ATF1: variants seen among roughly 807,000 people sequenced by gnomAD.
ATF1 encodes the protein cyclic AMP-dependent transcription factor ATF-1.
In ATF1, 16 loss-of-function variants were observed where a neutral mutation model predicts 34.7. That is an observed-to-expected ratio of 0.46 (90% CI 0.31 to 0.70). The LOEUF is 0.70. Among genes scored for constraint, ATF1 ranks in the 30% least tolerant of loss-of-function variants. The pLI, the probability that ATF1 is intolerant of heterozygous loss-of-function variation, is 0.05. For missense variants in ATF1, 255 were observed against 321.6 expected (o/e 0.79, Z 1.58); for synonymous variants, 105 against 113.1 (o/e 0.93, Z 0.46).
chr12:50,798,572 G>A (rs554193499), intron 3 of ATF1, among the ~76,000 whole-genome samples: 46 of 152,208 alleles, frequency 3.0e-4, no homozygotes, highest in African/African-American at 1.1e-3. Flanking sequence ...GCCTCCCAAA[G>A]TGCTGGGATT....
At chr12:50,768,508 A>T (rs942676590) in intron 1 of ATF1, among the ~76,000 whole-genome samples, 10 of 152,224 alleles carry the variant, frequency 6.6e-5, no homozygotes, top group Admixed American at 2.0e-4. Flanking sequence ...CTGTTCTTCC[A>T]AGGGCTCCAC....
intron 2 of ATF1, among the ~76,000 whole-genome samples, chr12:50,780,915 A>T (rs1016088909): frequency 6.6e-6 from 1 of 152,094 alleles, no homozygotes; most frequent in African/African-American, 2.4e-5. Context: ...AGCACAGACT[A>T]TGCCACTGCA....
At chr12:50,787,188 A>C (rs1291830886) in intron 2 of ATF1, among the ~76,000 whole-genome samples, 1 of 152,206 alleles carries the variant, frequency 6.6e-6, no homozygotes, top group Non-Finnish European at 1.5e-5. Context: ...CTTACCCATG[A>C]TGTCTGTCAT....
chr12:50,790,364 C>G (rs1941277229), intron 2 of ATF1, among the ~76,000 whole-genome samples: 1 of 152,060 alleles, frequency 6.6e-6, no homozygotes, highest in African/African-American at 2.4e-5. Flanking sequence ...GCTGCCAAAC[C>G]TGGCTAATTT....
At position 50,820,088 on chromosome 12, in the gene ATF1, T is replaced by A. The variant is rs1592208661; in HGVS notation, c.*309T>A. ...TCTAAAATGGCAGAGAAGATGAAAT[T>A]TGATAAACTGAATTTTTTTTAAAAA... On this transcript the variant is annotated 3_prime_UTR_variant, in exon 7 of 7. Coordinates refer to ENST00000262053, the MANE Select transcript of ATF1 (RefSeq NM_005171.5). 7.8e-6 allele frequency: 2 copies of A among 257,482 alleles called. No individual in the cohort carries two copies. Among genetic ancestry groups the A allele is most frequent in the East Asian group, 1.2e-4 (2 of 16,128 alleles). 15.9% of individuals were successfully genotyped at this position (257,482 alleles called of 1,614,324 possible).
At chr12:50,806,846 G>C (rs1253879360) in intron 3 of ATF1, among the ~76,000 whole-genome samples, 3 of 152,132 alleles carry the variant, frequency 2.0e-5, no homozygotes, top group African/African-American at 7.2e-5. Context: ...GGTTTAGGAA[G>C]CACTCTGACT....
At chr12:50,788,126 TA>T in intron 2 of ATF1, 1 of 425,456 alleles carries the variant, frequency 2.4e-6, no homozygotes, top group South Asian at 1.8e-5. Flanking sequence ...GTCAGCTGTG[TA>T]AAATGTGGCT....
intron 2 of ATF1, among the ~76,000 whole-genome samples, chr12:50,781,361 CTG>C (rs776219372): frequency 1.3e-5 from 2 of 152,166 alleles, no homozygotes; most frequent in African/African-American, 2.4e-5. Flanking sequence ...TATTTTCAAT[CTG>C]TGGTTGGTTG....
At chr12:50,791,346 AG>A (rs1271159202) in intron 2 of ATF1, among the ~76,000 whole-genome samples, 2 of 152,190 alleles carry the variant, frequency 1.3e-5, no homozygotes, top group Admixed American at 6.5e-5. Context: ...ACCTGAGGTC[AG>A]GAGTTCGAGA....
At chr12:50,815,133 T>A (rs531840997) in intron 6 of ATF1, among the ~76,000 whole-genome samples, 35 of 151,196 alleles carry the variant, frequency 2.3e-4, no homozygotes, top group African/African-American at 7.0e-4. Context: ...AAAAAAAAAA[T>A]TTTTTTAACT....
intron 3 of ATF1, among the ~76,000 whole-genome samples, chr12:50,806,833 G>A (rs181157627): frequency 3.9e-5 from 6 of 152,154 alleles, no homozygotes; most frequent in Non-Finnish European, 7.4e-5. Flanking sequence ...TGTTACATAG[G>A]CAGGTTTAGG....
At chr12:50,764,382 AC>A (rs1459516181) in intron 1 of ATF1, 75 bp downstream of exon 1, 1 of 142,336 alleles carries the variant, frequency 7.0e-6, no homozygotes, top group African/African-American at 2.6e-5. Flanking sequence ...GCCGGCGGGG[AC>A]GCAGCGCGGG....
intron 6 of ATF1, 54 bp downstream of exon 6, chr12:50,814,493 A>G (rs1565920731): frequency 1.3e-6 from 2 of 1,547,922 alleles, no homozygotes; most frequent in South Asian, 1.2e-5. Context: ...AAATCTCACA[A>G]CATAACCAGA....
intron 2 of ATF1, among the ~76,000 whole-genome samples, chr12:50,784,061 G>A (rs1185899729): frequency 6.6e-6 from 1 of 151,938 alleles, no homozygotes; most frequent in Non-Finnish European, 1.5e-5. Context: ...TACTCAGGAG[G>A]CAGAAGGGAG....
At chr12:50,782,986 G>A (rs576510326) in intron 2 of ATF1, among the ~76,000 whole-genome samples, 31 of 151,902 alleles carry the variant, frequency 2.0e-4, no homozygotes, top group Admixed American at 5.3e-4. Context: ...CACTGCACCC[G>A]GCTGATTTCA....
intron 3 of ATF1, among the ~76,000 whole-genome samples, chr12:50,803,268 C>A (rs1466017463): frequency 1.0e-3 from 137 of 133,850 alleles, no homozygotes; most frequent in Admixed American, 1.2e-3. Context: ...AACTCTGTCT[C>A]AAAAAAAAAA....
upstream of ATF1, chr12:50,764,060 G>A (rs1024812513): frequency 4.9e-4 from 26 of 53,298 alleles, 1 homozygote; most frequent in Admixed American, 4.3e-3. Context: ...CCCCTCCCCC[G>A]CCCCCGCCCC....
At chr12:50,813,293 T>TA (rs1371850042) in intron 4 of ATF1, among the ~76,000 whole-genome samples, 1 of 152,158 alleles carries the variant, frequency 6.6e-6, no homozygotes, top group Non-Finnish European at 1.5e-5. Context: ...CTTAAGTAAA[T>TA]ATCTTAATAA....
rs1941637793 is a variant in ATF1, at chr12:50,807,445, A to C, written c.195-2011A>C. ...ATAATAAATAAATTTCTTTAGTTTC[A>C]CTGGATGGAACCAGTTTTGGACCCA... is the stretch of plus-strand genomic sequence containing the variant. On this transcript the variant is annotated intron_variant, in intron 3 of 6. Coordinates refer to ENST00000262053, the MANE Select transcript of ATF1 (RefSeq NM_005171.5). Among the ~76,000 whole-genome samples the C allele has an allele frequency of 3.9e-5, 6 of 152,194 alleles. No individual in the cohort carries two copies. The South Asian group carries it at 1.2e-3, about 32-fold the overall frequency.
Sources: allele counts gnomAD v4.1 joint callset (sites outside exome capture counted in the v4.1 genomes callset), GRCh38; gene constraint gnomAD v4.1.1; transcripts MANE v1.5; gene names NCBI Gene and HGNC (gene_info 2026-07-23, HGNC 2026-07-21).